CCZ1B: variants seen among roughly 807,000 people sequenced by gnomAD.
CCZ1B encodes the protein vacuolar fusion protein CCZ1 homolog B.
Under a neutral mutation model 58.8 loss-of-function variants are expected in CCZ1B, and 25 were observed. The ratio of observed to expected loss-of-function variants is 0.43; its 90% CI spans 0.31 to 0.59. CCZ1B has a LOEUF of 0.59. Among genes scored for constraint, CCZ1B ranks in the 20% least tolerant of loss-of-function variants. The pLI is 0.12. For missense variants in CCZ1B, 180 were observed against 501.5 expected, an observed-to-expected ratio of 0.36 and a Z score of 6.12; for synonymous variants, 66 against 173.2, an observed-to-expected ratio of 0.38 and a Z score of 4.86.
intron 7 of CCZ1B, among the ~76,000 whole-genome samples, chr7:6,817,763 C>A (rs1430081593): frequency 2.0e-5 from 3 of 149,594 alleles, no homozygotes; most frequent in African/African-American, 7.6e-5. Context: ...ACCTGTAATC[C>A]CAGCACTGGG....
At chr7:6,824,035 T>C in intron 4 of CCZ1B, 54 bp downstream of exon 4, 1 of 1,116,500 alleles carries the variant, frequency 9.0e-7, no homozygotes, top group Non-Finnish European at 1.2e-6. Flanking sequence ...GCATTCAACA[T>C]ACTCAGCAAT....
chr7:6,822,486 A>T (rs1284506086), intron 5 of CCZ1B, 122 bp from the exon 6 acceptor site: 2 of 1,394,708 alleles, frequency 1.4e-6, no homozygotes, highest in East Asian at 2.5e-5. Context: ...AGTTCTTTCC[A>T]ACAGAGAATA....
At chr7:6,804,193 G>C (rs1782803398) in intron 12 of CCZ1B, among the ~76,000 whole-genome samples, 1 of 144,182 alleles carries the variant, frequency 6.9e-6, no homozygotes, top group African/African-American at 2.6e-5. Context: ...GGGAGGCTGA[G>C]GCAGGTGGAT....
intron 7 of CCZ1B, among the ~76,000 whole-genome samples, chr7:6,818,535 G>C (rs1007199421): frequency 6.8e-6 from 1 of 147,790 alleles, no homozygotes; most frequent in Non-Finnish European, 1.5e-5. Flanking sequence ...GCAACAGAGT[G>C]AGACTCCGTT....
At chr7:6,812,108 A>G (rs1782925727) in intron 9 of CCZ1B, 45 bp from the exon 10 acceptor site, 2 of 879,414 alleles carry the variant, frequency 2.3e-6, no homozygotes, top group Non-Finnish European at 3.7e-6. Flanking sequence ...GAGGTGAAGG[A>G]GAATCAGGAA....
chr7:6,822,929 T>G (rs2952936), intron 5 of CCZ1B, among the ~76,000 whole-genome samples: 1 of 143,448 alleles, frequency 7.0e-6, no homozygotes, highest in Non-Finnish European at 1.5e-5. Context: ...TGGTCCTGAA[T>G]TCCTGGGCTC....
chr7:6,816,938 A>G (rs1228052829), intron 7 of CCZ1B, among the ~76,000 whole-genome samples: 2 of 137,212 alleles, frequency 1.5e-5, no homozygotes, highest in South Asian at 2.3e-4. Flanking sequence ...TTTTTTTTGC[A>G]TTTTTTGTAG....
At chr7:6,817,288 G>C (rs1458819231) in intron 7 of CCZ1B, among the ~76,000 whole-genome samples, 1 of 151,566 alleles carries the variant, frequency 6.6e-6, no homozygotes, top group Admixed American at 6.6e-5. Flanking sequence ...CAACGCTGCT[G>C]GTCACTCTGG....
At position 6,801,988 on chromosome 7, in the gene CCZ1B, T is replaced by C. The variant is rs1435791534; in HGVS notation, c.1107-465A>G. ...TAGTTGAGTAGTTTTAACACGTATC[T>C]ACATATAGCCCGTGACATCTGAGAT... On this transcript the variant is annotated intron_variant, in intron 12 of 14. Coordinates refer to ENST00000316731, the MANE Select transcript of CCZ1B (RefSeq NM_198097.5). Among the ~76,000 whole-genome samples, 6 of 113,792 alleles carry C rather than the reference T, an allele frequency of 5.3e-5. 2 individuals are homozygous for C. The highest frequency in any genetic ancestry group is 1.1e-4 in the Non-Finnish European group (6 of 54,808). 74.7% of individuals were successfully genotyped at this position (113,792 alleles called of 152,430 possible).
At chr7:6,822,424 T>A in intron 5 of CCZ1B, 60 bp from the exon 6 acceptor site, 2 of 1,550,932 alleles carry the variant, frequency 1.3e-6, no homozygotes, top group Non-Finnish European at 1.7e-6. Context: ...TTTTTCAGTA[T>A]AACAAGTTCT....
At position 6,814,683 on chromosome 7, in the gene CCZ1B, C is replaced by T. The variant is rs1209473658; in HGVS notation, c.780+81G>A. On this transcript the variant is annotated intron_variant, in intron 8 of 14. Transcript: ENST00000316731. ...ATACATCAGAAACGATCAGAAACAC[C>T]CCCATGCACCACCATCTCACTCCAC... 3 of 1,253,610 alleles carry T rather than the reference C, an allele frequency of 2.4e-6. 1 individual carries two copies. The highest frequency in any genetic ancestry group is 3.4e-6 in the Non-Finnish European group (3 of 878,462). 77.7% of individuals were successfully genotyped at this position (1,253,610 alleles called of 1,614,324 possible).
At chr7:6,814,144 C>T (rs1282257323) in intron 8 of CCZ1B, among the ~76,000 whole-genome samples, 1 of 146,814 alleles carries the variant, frequency 6.8e-6, no homozygotes, top group Non-Finnish European at 1.5e-5. Flanking sequence ...GAAACTCTGT[C>T]CCAATAAATA....
Position 6,820,551 on chromosome 7 carries a change from C to T in CCZ1B, c.523-610G>A, listed in dbSNP as rs1292609446. On this transcript the variant is annotated intron_variant, in intron 6 of 14. Transcript: ENST00000316731. ...AGGCTGGTCTTGAACTTCTGGCCTCCGTGATTCTCGTGTCTAGGCATCCCA... is the reference window on the plus strand; with the variant it reads ...AGGCTGGTCTTGAACTTCTGGCCTCTGTGATTCTCGTGTCTAGGCATCCCA... Among the ~76,000 whole-genome samples the T allele has an allele frequency of 1.9e-4, 28 of 148,504 alleles. 2 individuals are homozygous for T. Among genetic ancestry groups the T allele is most frequent in the African/African-American group, 6.4e-4 (25 of 39,328 alleles).
At position 6,822,211 on chromosome 7, in the gene CCZ1B, G is replaced by A. The variant is rs536303546; in HGVS notation, c.522+70C>T. 5.7e-5 allele frequency: 89 copies of A among 1,548,460 alleles called. 1 individual carries two copies. The highest frequency in any genetic ancestry group is 3.7e-4 in the Middle Eastern group (2 of 5,384). The stretch of plus-strand genomic sequence containing the variant: ...TTTTTTGTAGATAAGAAACAAACTT[G>A]TCTGTCTATATTTCTCTAAAAACCT... On this transcript the variant is annotated intron_variant, in intron 6 of 14. Transcript: ENST00000316731.
intron 7 of CCZ1B, among the ~76,000 whole-genome samples, chr7:6,816,147 A>C (rs1782996097): frequency 6.8e-6 from 1 of 147,868 alleles, no homozygotes; most frequent in Non-Finnish European, 1.5e-5. Context: ...ACAGACAATG[A>C]GGCTGGATCT....
At chr7:6,813,925 C>T (rs1782957678) in intron 8 of CCZ1B, among the ~76,000 whole-genome samples, 1 of 148,948 alleles carries the variant, frequency 6.7e-6, no homozygotes, top group East Asian at 1.9e-4. Context: ...GCAGGTCAAT[C>T]ACCTGAGGTC....
At chr7:6,816,404 C>T (rs1251906231) in intron 7 of CCZ1B, among the ~76,000 whole-genome samples, 1 of 148,644 alleles carries the variant, frequency 6.7e-6, no homozygotes, top group Non-Finnish European at 1.5e-5. Flanking sequence ...TCGCTTGAAC[C>T]TGGGAGGCGC....
At chr7:6,814,274 C>T (rs527466245) in intron 8 of CCZ1B, among the ~76,000 whole-genome samples, 4 of 149,760 alleles carry the variant, frequency 2.7e-5, no homozygotes, top group East Asian at 3.9e-4. Context: ...CAGTGGCTCA[C>T]GCCTGTAATC....
At chr7:6,819,627 T>C (rs1205928725) in intron 7 of CCZ1B, 139 bp downstream of exon 7, 2 of 593,156 alleles carry the variant, frequency 3.4e-6, no homozygotes, top group Non-Finnish European at 6.0e-6. Context: ...CTGCTTTATT[T>C]TGACAATATC....
Sources: gnomAD v4.1 joint callset for allele counts (sites outside exome capture counted in the v4.1 genomes callset) on GRCh38, gnomAD v4.1.1 for gene constraint, MANE v1.5 for transcripts, NCBI Gene and HGNC (gene_info 2026-07-23, HGNC 2026-07-21) for gene names.